The following LRRTM4 variants were observed in gnomAD, a reference collection of about 807,000 sequenced individuals.
The protein encoded by LRRTM4 is leucine-rich repeat transmembrane neuronal protein 4.
LRRTM4 carries 25 observed loss-of-function variants against 47.6 expected under a neutral mutation model. The observed-to-expected ratio is 0.53, with a 90% confidence interval of 0.38 to 0.73. The LOEUF (loss-of-function observed/expected upper bound fraction) is 0.73. LRRTM4 is among the 30% of genes least tolerant of loss of function. The probability of loss-of-function intolerance (pLI) is 0.00; values close to 1 mark genes in which losing one functional copy is unlikely to be tolerated. For synonymous variants in LRRTM4, 311 were observed against 269.5 expected, an observed-to-expected ratio of 1.15 and a Z score of -1.51; for missense variants, 638 against 713.4, an observed-to-expected ratio of 0.89 and a Z score of 1.20.
chr2:77,236,438 G>T (rs1472641760), intron 3 of LRRTM4, among the ~76,000 whole-genome samples: 1 of 151,684 alleles, frequency 6.6e-6, no homozygotes, highest in Non-Finnish European at 1.5e-5. Flanking sequence ...GGTTTTCTAG[G>T]TACAGAATCA....
At chr2:77,121,297 A>T (rs1671515229) in intron 3 of LRRTM4, among the ~76,000 whole-genome samples, 1 of 151,826 alleles carries the variant, frequency 6.6e-6, no homozygotes, top group Non-Finnish European at 1.5e-5. Flanking sequence ...ATTGTTATAA[A>T]GATGACATCA....
Position 77,177,279 on chromosome 2 carries a change from A to G in LRRTM4, c.1551+341039T>C, listed in dbSNP as rs147925416. 5.8e-3 allele frequency among the ~76,000 whole-genome samples: 878 copies of G among 152,274 alleles called. 3 individuals carry two copies. The highest frequency in any genetic ancestry group is 0.019 in the African/African-American group (799 of 41,560). ...GGGCTGAACCCCAGTTTTGGGGTTC[A>G]CCCTGTGACACTCGCAAGCCATAGT... On this transcript the variant is annotated intron_variant, in intron 3 of 3. Coordinates refer to ENST00000409884, the MANE Select transcript of LRRTM4 (RefSeq NM_001134745.3).
intron 3 of LRRTM4, among the ~76,000 whole-genome samples, chr2:77,490,650 G>A (rs887896752): frequency 2.6e-5 from 4 of 151,932 alleles, no homozygotes; most frequent in African/African-American, 9.7e-5. Flanking sequence ...TCTAAGTAGG[G>A]GAAGATGATA....
intron 3 of LRRTM4, among the ~76,000 whole-genome samples, chr2:76,914,811 C>A (rs1244580413): frequency 6.6e-6 from 1 of 152,100 alleles, no homozygotes. Flanking sequence ...TTCTCACCAT[C>A]ATATTTACTT....
intron 3 of LRRTM4, among the ~76,000 whole-genome samples, chr2:76,917,098 C>T (rs1674278176): frequency 6.6e-6 from 1 of 152,058 alleles, no homozygotes; most frequent in Admixed American, 6.6e-5. Context: ...TGCAAAGGGC[C>T]AGGAAGTGTT....
At chr2:77,510,976 A>G (rs991132954) in intron 3 of LRRTM4, among the ~76,000 whole-genome samples, 41 of 152,094 alleles carry the variant, frequency 2.7e-4, no homozygotes, top group African/African-American at 9.9e-4. Context: ...ACAAAATGGA[A>G]AAAATGATTC....
intron 3 of LRRTM4, among the ~76,000 whole-genome samples, chr2:77,178,370 G>A (rs954085949): frequency 1.3e-5 from 2 of 152,096 alleles, no homozygotes; most frequent in Admixed American, 1.3e-4. Flanking sequence ...GGCAGGTCAC[G>A]AGGTCAGGAG....
At chr2:77,208,133 C>A (rs1674193161) in intron 3 of LRRTM4, among the ~76,000 whole-genome samples, 1 of 151,988 alleles carries the variant, frequency 6.6e-6, no homozygotes, top group Admixed American at 6.6e-5. Context: ...CCCACCTTGG[C>A]CTCCCAAAGT....
At chr2:77,237,845 A>T (rs1675146910) in intron 3 of LRRTM4, among the ~76,000 whole-genome samples, 1 of 152,184 alleles carries the variant, frequency 6.6e-6, no homozygotes, top group African/African-American at 2.4e-5. Context: ...TCAGGGCACA[A>T]GTAAAGACCC....
At chr2:77,018,796 T>G (rs912479855) in intron 3 of LRRTM4, among the ~76,000 whole-genome samples, 9 of 103,218 alleles carry the variant, frequency 8.7e-5, no homozygotes, top group African/African-American at 3.9e-4. Context: ...AAGTGTAACT[T>G]GCACATAATA....
intron 3 of LRRTM4, among the ~76,000 whole-genome samples, chr2:76,918,276 T>G (rs1436475235): frequency 6.6e-6 from 1 of 152,346 alleles, no homozygotes; most frequent in Middle Eastern, 3.4e-3. Context: ...AGCAACAAAC[T>G]TGTAGCAAAT....
At position 77,306,897 on chromosome 2, in the gene LRRTM4, A is replaced by ATTTTTTTTTTTTTTTTT. The variant is rs774697360; in HGVS notation, c.1551+211404_1551+211420dup. On this transcript the variant is annotated intron_variant, in intron 3 of 3. Coordinates refer to ENST00000409884, the MANE Select transcript of LRRTM4 (RefSeq NM_001134745.3). ...AAATAGCTATATACTGCTTTTCCAT[A>ATTTTTTTTTTTTTTTTT]TTTTTTTTTTTTTTTTTTTTGAGAT... Among the ~76,000 whole-genome samples the ATTTTTTTTTTTTTTTTT allele has an allele frequency of 9.3e-4, 105 of 112,408 alleles. 11 individuals are homozygous for ATTTTTTTTTTTTTTTTT. Among genetic ancestry groups the ATTTTTTTTTTTTTTTTT allele is most frequent in the African/African-American group, 4.1e-3 (94 of 23,130 alleles). 73.7% of individuals were successfully genotyped at this position (112,408 alleles called of 152,430 possible).
intron 3 of LRRTM4, among the ~76,000 whole-genome samples, chr2:77,299,421 A>C (rs1358726278): frequency 6.6e-6 from 1 of 151,824 alleles, no homozygotes; most frequent in Non-Finnish European, 1.5e-5. Flanking sequence ...ACACACACAC[A>C]GATATCACAG....
At chr2:76,761,195 T>G (rs1229117964) in intron 3 of LRRTM4, among the ~76,000 whole-genome samples, 1 of 152,242 alleles carries the variant, frequency 6.6e-6, no homozygotes, top group East Asian at 1.9e-4. Flanking sequence ...GGGAGATTGC[T>G]TGACTCAAAA....
At chr2:76,770,896 C>T (rs1673671819) in intron 3 of LRRTM4, among the ~76,000 whole-genome samples, 1 of 152,122 alleles carries the variant, frequency 6.6e-6, no homozygotes, top group South Asian at 2.1e-4. Context: ...CTACATGTTC[C>T]AAGAGTTCAA....
intron 3 of LRRTM4, among the ~76,000 whole-genome samples, chr2:77,005,250 T>C (rs1040368572): frequency 6.6e-6 from 1 of 152,118 alleles, no homozygotes; most frequent in African/African-American, 2.4e-5. Context: ...GTTCAAGGGA[T>C]TCGCCTGCCT....
chr2:76,964,611 A>G (rs1298664982), intron 3 of LRRTM4, among the ~76,000 whole-genome samples: 4 of 150,928 alleles, frequency 2.7e-5, no homozygotes, highest in Non-Finnish European at 5.9e-5. Flanking sequence ...TTTAGAATTG[A>G]GTAGTGCATA....
chr2:77,335,823 A>G (rs1029480154), intron 3 of LRRTM4, among the ~76,000 whole-genome samples: 1 of 152,198 alleles, frequency 6.6e-6, no homozygotes, highest in Middle Eastern at 3.2e-3. Flanking sequence ...TATAATTTTC[A>G]TAACAGTTTT....
chr2:76,803,474 C>A (rs1573135905), intron 3 of LRRTM4, among the ~76,000 whole-genome samples: 1 of 152,174 alleles, frequency 6.6e-6, no homozygotes, highest in South Asian at 2.1e-4. Context: ...TGGAGAAAAG[C>A]AAACCCTTGT....
Sources: allele counts gnomAD v4.1 joint callset (sites outside exome capture counted in the v4.1 genomes callset), GRCh38; gene constraint gnomAD v4.1.1; transcripts MANE v1.5; gene names NCBI Gene and HGNC (gene_info 2026-07-23, HGNC 2026-07-21).